Variants in DST observed in about 807,000 individuals in gnomAD.
The protein encoded by DST is dystonin.
Under a neutral mutation model 875.2 loss-of-function variants are expected in DST, and 253 were observed. The observed-to-expected ratio is 0.29, with a 90% CI of 0.26 to 0.32. The LOEUF is 0.32. Among genes scored for constraint, DST ranks in the 10% least tolerant of loss-of-function variants. The probability of loss-of-function intolerance (pLI) is 1.00; values close to 1 mark genes in which losing one functional copy is unlikely to be tolerated. For synonymous variants in DST, 3,124 were observed against 3,197.1 expected (o/e 0.98, Z 0.77); for missense variants, 8,287 against 9,111.6 (o/e 0.91, Z 3.68).
chr6:56,781,839 GT>G (rs1383650599), intron 4 of DST, among the ~76,000 whole-genome samples: 1 of 152,102 alleles, frequency 6.6e-6, no homozygotes, highest in African/African-American at 2.4e-5. Context: ...TGCCCATTCA[GT>G]ATGATATTGG....
chr6:56,858,255 G>C (rs911640855), intron 3 of DST, among the ~76,000 whole-genome samples: 13 of 151,678 alleles, frequency 8.6e-5, no homozygotes, highest in African/African-American at 2.9e-4. Flanking sequence ...TGACTCAAGG[G>C]AAGCAGTTTC....
At chr6:56,651,096 C>A in intron 11 of DST, 36 bp downstream of exon 11, 1 of 1,586,926 alleles carries the variant, frequency 6.3e-7, no homozygotes, top group Non-Finnish European at 8.6e-7. Context: ...ATCAGACTTT[C>A]ATGCCAGTCC....
chr6:56,587,003 C>T (rs1284741154), intron 49 of DST, among the ~76,000 whole-genome samples: 2 of 152,104 alleles, frequency 1.3e-5, no homozygotes, highest in Non-Finnish European at 2.9e-5. Context: ...AAGTGGAGTG[C>T]CTCTCCTCCT....
chr6:56,899,568 G>A (rs1166523303), intron 3 of DST, among the ~76,000 whole-genome samples: 1 of 152,076 alleles, frequency 6.6e-6, no homozygotes, highest in Non-Finnish European at 1.5e-5. Context: ...GCTCCCCTAT[G>A]TTGGCACAAG....
intron 22 of DST, among the ~76,000 whole-genome samples, chr6:56,638,307 T>A (rs2098845333): frequency 6.6e-6 from 1 of 152,102 alleles, no homozygotes; most frequent in African/African-American, 2.4e-5. Flanking sequence ...GATTCCCTAC[T>A]CTTCTACGTT....
At chr6:56,811,087 G>A (rs1022665374) in intron 4 of DST, among the ~76,000 whole-genome samples, 4 of 151,078 alleles carry the variant, frequency 2.6e-5, no homozygotes, top group Admixed American at 2.0e-4. Context: ...GGGAGGCTGA[G>A]GTGGGAGGAT....
intron 4 of DST, among the ~76,000 whole-genome samples, chr6:56,823,818 T>C (rs996173982): frequency 7.9e-5 from 12 of 152,188 alleles, no homozygotes; most frequent in African/African-American, 2.9e-4. Flanking sequence ...GGAACTATTA[T>C]CTAGAGTTAG....
At chr6:56,699,401 G>T (rs1416201584) in intron 9 of DST, among the ~76,000 whole-genome samples, 1 of 152,108 alleles carries the variant, frequency 6.6e-6, no homozygotes, top group Non-Finnish European at 1.5e-5. Flanking sequence ...TCAATAAAAA[G>T]AAATATGTCT....
chr6:56,764,101 A>G (rs1386285705), intron 4 of DST, among the ~76,000 whole-genome samples: 20 of 144,774 alleles, frequency 1.4e-4, no homozygotes, highest in African/African-American at 3.3e-4. Flanking sequence ...GCACATGCAC[A>G]CACACACACA....
chr6:56,479,992 A>G (rs566724053), intron 90 of DST, among the ~76,000 whole-genome samples: 1 of 152,288 alleles, frequency 6.6e-6, no homozygotes, highest in South Asian at 2.1e-4. Context: ...ACCTCTGTGA[A>G]GCAGCTCTGT....
chr6:56,636,559 C>T lies in DST; in HGVS notation c.3058G>A (p.Glu1020Lys), dbSNP rs142588059. 30 of 1,611,954 alleles carry T rather than the reference C, an allele frequency of 1.9e-5. No homozygotes were observed. In the African/African-American group the frequency reaches 2.3e-4, roughly 12 times the overall value. ...AAGTTATGATTCTACTCACATACCT[C>T]GAAATACGCTGTGTTCTCCTTTATG... ...QHIKENTAYFEFFNDAKEATD... is the reference protein window; with the variant it reads ...QHIKENTAYFKFFNDAKEATD... The change falls in exon 23 of 104, where the codon GAG (glutamate) becomes AAG (lysine). Residue 1020 changes from glutamate to lysine, a missense_variant and splice_region_variant. Physicochemically the swap from Glu to Lys is moderately conservative, Grantham distance 56. This residue lies in a region of DST where 1,160 missense variants were observed against 1,424.3 expected (regional missense o/e 0.81). Coordinates refer to ENST00000680361, the MANE Select transcript of DST (RefSeq NM_001374736.1).
At chr6:56,905,328 G>C (rs1016075820) in intron 2 of DST, among the ~76,000 whole-genome samples, 3 of 152,018 alleles carry the variant, frequency 2.0e-5, no homozygotes, top group Non-Finnish European at 4.4e-5. Flanking sequence ...GTTAACTCTG[G>C]GTACAATGTT....
At chr6:56,883,021 C>A (rs1234774586) in intron 3 of DST, among the ~76,000 whole-genome samples, 1 of 152,226 alleles carries the variant, frequency 6.6e-6, no homozygotes, top group Admixed American at 6.5e-5. Context: ...GTGCGTGCCA[C>A]CACACCCAGC....
intron 26 of DST, 39 bp downstream of exon 26, chr6:56,634,423 C>A (rs764504689): frequency 6.2e-7 from 1 of 1,612,058 alleles, no homozygotes; most frequent in African/African-American, 1.3e-5. Flanking sequence ...CAGAGGGCCC[C>A]CAAAACTAGC....
At chr6:56,647,382 T>C (rs2098949193) in intron 13 of DST, among the ~76,000 whole-genome samples, 1 of 152,144 alleles carries the variant, frequency 6.6e-6, no homozygotes, top group South Asian at 2.1e-4. Context: ...TGCCAAGTAA[T>C]TTCGTGCCAA....
intron 2 of DST, among the ~76,000 whole-genome samples, chr6:56,916,774 T>TCACACACACA (rs1275596111): frequency 7.9e-5 from 7 of 88,466 alleles, no homozygotes; most frequent in African/African-American, 3.4e-4. Flanking sequence ...TCTCTCTCTC[T>TCACACACACA]CTCTCACACA....
At chr6:56,533,876 A>C (rs1256372550) in intron 63 of DST, among the ~76,000 whole-genome samples, 2 of 152,210 alleles carry the variant, frequency 1.3e-5, no homozygotes, top group Non-Finnish European at 2.9e-5. Flanking sequence ...AATTAAAGTA[A>C]GCAGTAAGTC....
In DST at chr6:56,634,900, T is replaced by C. The variant is rs749766933; in HGVS notation, c.3240A>G (p.Gly1080=). Residue 1080 remains glycine, a synonymous_variant, in exon 25 of 104, where the codon GGA becomes GGG. Transcript: ENST00000680361. ...TCAGTTGAATTATTGTTTTTGCTTT[T>C]CCCATTAGGTTTGCTATAGTGCTTT... ...QYKSTIANLM[G]KAKTIIQLKP... is the part of the protein sequence containing the mutation. 28 of 1,613,612 alleles carry C rather than the reference T, an allele frequency of 1.7e-5. No individual in the cohort carries two copies. The highest frequency in any genetic ancestry group is 2.0e-5 in the Non-Finnish European group (24 of 1,179,832).
chr6:56,516,158 A>G (rs1170327393), intron 71 of DST, among the ~76,000 whole-genome samples: 1 of 75,450 alleles, frequency 1.3e-5, no homozygotes, highest in Non-Finnish European at 3.2e-5. Flanking sequence ...AAAGAGAAAG[A>G]GAGAAAGAGA....
Sources: gnomAD v4.1 joint callset for allele counts (sites outside exome capture counted in the v4.1 genomes callset) on GRCh38, gnomAD v4.1.1 for gene constraint, gnomAD v4.1.1 regional missense constraint, MANE v1.5 for transcripts, NCBI Gene and HGNC (gene_info 2026-07-23, HGNC 2026-07-21) for gene names.